ADGRE1: variants seen among roughly 807,000 people sequenced by gnomAD.
The protein encoded by ADGRE1 is EGF-like module receptor 1.
ADGRE1 carries 82 observed loss-of-function variants against 102.7 expected under a neutral mutation model. The ratio of observed to expected loss-of-function variants is 0.80; its 90% CI spans 0.67 to 0.96. The LOEUF is 0.96. ADGRE1 is among the 40% of genes least tolerant of loss of function. The probability of loss-of-function intolerance (pLI) is 0.00; values close to 1 mark genes in which losing one functional copy is unlikely to be tolerated. For synonymous variants in ADGRE1, 398 were observed against 399.6 expected (o/e 1.00, Z 0.05); for missense variants, 1,032 against 1,085.3 (o/e 0.95, Z 0.69).
chr19:6,889,300 G>T (rs184377097), intron 1 of ADGRE1, among the ~76,000 whole-genome samples: 2 of 151,982 alleles, frequency 1.3e-5, no homozygotes, highest in Admixed American at 1.3e-4. Context: ...TGATGGTGAT[G>T]ATGAAGATGA....
At position 6,919,613 on chromosome 19, in the gene ADGRE1, A is replaced by C. The variant is rs373533; in HGVS notation, c.1486A>C (p.Lys496Gln). 1,262,959 of 1,612,790 alleles carry C rather than the reference A, an allele frequency of 0.78. 496,540 individuals are homozygous for C. Among genetic ancestry groups the C allele is most frequent in the East Asian group, 0.81 (36,308 of 44,772 alleles). The change falls in exon 13 of 21, where the codon AAA (lysine) becomes CAA (glutamine). Residue 496 changes from lysine (K) to glutamine (Q), a missense_variant. Physicochemically the swap from Lys to Gln is moderately conservative, Grantham distance 53 (BLOSUM62 1). Transcript: ENST00000312053. ...ATCGGTTTTAAATGAGCGCTTCTTC[A>C]AAGACCACCAGGCTCCCTTGACCAC... ...MESVLNERFF[K>Q]DHQAPLTTSE...
At chr19:6,912,690 A>G (rs1974247993) in intron 10 of ADGRE1, among the ~76,000 whole-genome samples, 1 of 152,176 alleles carries the variant, frequency 6.6e-6, no homozygotes, top group Admixed American at 6.6e-5. Flanking sequence ...TCATTTTAAC[A>G]GCTGTATGGC....
intron 2 of ADGRE1, 94 bp downstream of exon 2, chr19:6,890,637 C>A: frequency 7.4e-7 from 1 of 1,343,336 alleles, no homozygotes; most frequent in South Asian, 1.3e-5. Context: ...CATCCAGATG[C>A]TTGCTGGGAG....
At chr19:6,898,833 C>G in intron 5 of ADGRE1, 1 of 409,866 alleles carries the variant, frequency 2.4e-6, no homozygotes, top group South Asian at 6.1e-5. Context: ...ATATATTTTT[C>G]TATCCCTTTA....
Position 6,926,600 on chromosome 19 carries a change from C to T in ADGRE1, c.2221C>T (p.Arg741Cys), listed in dbSNP as rs149410886. 2.0e-5 allele frequency: 33 copies of T among 1,613,900 alleles called. No homozygotes were observed. In the Admixed American group the frequency reaches 2.8e-4, roughly 14 times the overall value. ...GCCACAGGGCTATGGAATGCATAAT[C>T]GGTGAGTGACATCCTCTCTCTTCCT... ...VQPQGYGMHN[R>C]CWLNTETGFI... Residue 741 changes from arginine to cysteine, a missense_variant and splice_region_variant, in exon 16 of 21, where the codon CGC becomes TGC. Transcript: ENST00000312053.
Position 6,897,535 on chromosome 19 carries a change from T to C in ADGRE1, c.502T>C (p.Ser168Pro). ...SCQVGFISRN[S>P]TCEDVDECAD... ...TCAAGTTGGATTCATCTCTAGAAAC[T>C]CCACCTGTGAAGGTATCCATGACCA... The change falls in exon 5 of 21, where the codon TCC becomes CCC. Residue 168 changes from serine to proline, a missense_variant. By Grantham distance (74) the Ser-to-Pro change is moderately conservative. Coordinates refer to ENST00000312053, the MANE Select transcript of ADGRE1 (RefSeq NM_001974.5). 6.4e-7 allele frequency: 1 copy of C among 1,569,440 alleles called. No individual in the cohort carries two copies. Among genetic ancestry groups the C allele is most frequent in the South Asian group, 1.2e-5 (1 of 82,688 alleles).
chr19:6,918,398 G>A (rs538111396), intron 12 of ADGRE1, among the ~76,000 whole-genome samples: 11 of 152,080 alleles, frequency 7.2e-5, no homozygotes, highest in African/African-American at 2.4e-5. Flanking sequence ...CCGAGAACCT[G>A]CCATTGCACT....
Position 6,904,050 on chromosome 19 carries a change from C to T in ADGRE1, c.817C>T (p.Arg273Cys), listed in dbSNP as rs774926993. 21 of 1,614,130 alleles carry T rather than the reference C, an allele frequency of 1.3e-5. No individual in the cohort carries two copies. Among genetic ancestry groups the T allele is most frequent in the Middle Eastern group, 1.6e-4 (1 of 6,062 alleles). ...GTTCTTTGCAGATATTGATGAGTGC[C>T]GCCAAGATCCATCAACCTGTGGTCC... ...GVECRDIDECRQDPSTCGPNS... is the reference protein window; with the variant it reads ...GVECRDIDECCQDPSTCGPNS... The change falls in exon 8 of 21, where the codon CGC becomes TGC. Residue 273 changes from arginine (R) to cysteine (C), a missense_variant. Physicochemically the swap from Arg to Cys is radical, Grantham distance 180 (BLOSUM62 -3). Coordinates refer to ENST00000312053, the MANE Select transcript of ADGRE1 (RefSeq NM_001974.5).
At chr19:6,905,744 T>C (rs1973928595) in intron 8 of ADGRE1, among the ~76,000 whole-genome samples, 1 of 152,198 alleles carries the variant, frequency 6.6e-6, no homozygotes, top group Non-Finnish European at 1.5e-5. Context: ...AAATTATGTA[T>C]TATTTATTAC....
In ADGRE1 at chr19:6,926,379, T is replaced by C; in HGVS notation, c.2000T>C (p.Ile667Thr). 3 of 1,614,094 alleles carry C rather than the reference T, an allele frequency of 1.9e-6. No individual in the cohort carries two copies. Among genetic ancestry groups the C allele is most frequent in the Non-Finnish European group, 2.5e-6 (3 of 1,180,044 alleles). ...TCTCCCCTCCAGATGGGCTGCGCCA[T>C]CATCGCGGGCTTCCTGCACTACCTT... ...HKTDNKMGCA[I>T]IAGFLHYLFL... The change falls in exon 16 of 21, where the codon ATC (isoleucine) becomes ACC (threonine). Residue 667 changes from isoleucine to threonine, a missense_variant. Transcript: ENST00000312053.
intron 13 of ADGRE1, among the ~76,000 whole-genome samples, chr19:6,920,231 C>CTTTTCTTTTTT (rs536488711): frequency 2.5e-5 from 2 of 79,808 alleles, no homozygotes; most frequent in African/African-American, 8.0e-5. Flanking sequence ...GTGGTTGCTT[C>CTTTTCTTTTTT]TTTTTTTTTT....
At chr19:6,898,279 G>T in intron 5 of ADGRE1, 1 of 1,586,022 alleles carries the variant, frequency 6.3e-7, no homozygotes, top group Non-Finnish European at 8.6e-7. Flanking sequence ...TAGTATAAGT[G>T]AATTTGTAAC....
intron 18 of ADGRE1, among the ~76,000 whole-genome samples, chr19:6,936,293 G>A (rs940815701): frequency 5.9e-5 from 9 of 151,784 alleles, no homozygotes; most frequent in East Asian, 3.9e-4. Flanking sequence ...AAAATTAGCC[G>A]GGCATGGTGG....
Position 6,940,120 on chromosome 19 carries a change from A to C in ADGRE1, c.*91A>C. Reference sequence around the variant, plus strand: ...CTACCCTGAAATCTCTTCTCAGCTTAACATGGAAATGAGGATCCCACCAGC... The same window carrying C: ...CTACCCTGAAATCTCTTCTCAGCTTCACATGGAAATGAGGATCCCACCAGC... On this transcript the variant is annotated 3_prime_UTR_variant, in exon 21 of 21. Transcript: ENST00000312053. 1.4e-6 allele frequency: 2 copies of C among 1,459,796 alleles called. No individual in the cohort carries two copies. Among genetic ancestry groups the C allele is most frequent in the Non-Finnish European group, 1.9e-6 (2 of 1,051,654 alleles). 90.4% of individuals were successfully genotyped at this position (1,459,796 alleles called of 1,614,324 possible).
intron 5 of ADGRE1, among the ~76,000 whole-genome samples, chr19:6,901,450 T>C (rs1232006792): frequency 6.6e-6 from 1 of 152,178 alleles, no homozygotes; most frequent in Non-Finnish European, 1.5e-5. Context: ...CTTCACTGTC[T>C]TCTATTGGTC....
At chr19:6,920,851 A>G (rs1014337464) in intron 13 of ADGRE1, among the ~76,000 whole-genome samples, 1 of 152,162 alleles carries the variant, frequency 6.6e-6, no homozygotes, top group Non-Finnish European at 1.5e-5. Flanking sequence ...TTAAACTGTT[A>G]CTAAAAATAT....
chr19:6,909,323 C>T (rs1974085920), intron 10 of ADGRE1, among the ~76,000 whole-genome samples: 1 of 152,142 alleles, frequency 6.6e-6, no homozygotes, highest in African/African-American at 2.4e-5. Context: ...GGATGCAGAA[C>T]AGTTTAATTA....
intron 9 of ADGRE1, among the ~76,000 whole-genome samples, chr19:6,908,119 C>A (rs1409358008): frequency 3.3e-5 from 5 of 152,222 alleles, no homozygotes; most frequent in Non-Finnish European, 5.9e-5. Context: ...CGCTTAAAGG[C>A]GTTCTTAAAC....
chr19:6,918,574 C>G (rs186356438), intron 12 of ADGRE1, among the ~76,000 whole-genome samples: 2 of 152,020 alleles, frequency 1.3e-5, no homozygotes, highest in African/African-American at 2.4e-5. Flanking sequence ...CCCTGGAGAC[C>G]GTCCATATTT....
Sources: gnomAD v4.1 joint callset for allele counts (sites outside exome capture counted in the v4.1 genomes callset) on GRCh38, gnomAD v4.1.1 for gene constraint, MANE v1.5 for transcripts, NCBI Gene and HGNC (gene_info 2026-07-23, HGNC 2026-07-21) for gene names.